Variants in MYLK observed in about 807,000 individuals in gnomAD.
MYLK encodes myosin light chain kinase, also known as myosin light chain kinase, smooth muscle.
A neutral mutation model predicts 203.4 loss-of-function variants in MYLK; 106 were observed. That is an observed-to-expected ratio of 0.52 (90% CI 0.45 to 0.61). MYLK has a LOEUF of 0.61. MYLK is among the 20% of genes least tolerant of loss of function. The probability of loss-of-function intolerance (pLI) is 0.00; values close to 1 mark genes in which losing one functional copy is unlikely to be tolerated. For missense variants in MYLK, 2,072 were observed against 2,442.3 expected (o/e 0.85, Z 3.20); for synonymous variants, 867 against 959.5 (o/e 0.90, Z 1.78).
At chr3:123,745,219 T>G (rs748073508) in intron 5 of MYLK, among the ~76,000 whole-genome samples, 2 of 152,112 alleles carry the variant, frequency 1.3e-5, no homozygotes, top group African/African-American at 4.8e-5. Context: ...TGGGAAAAGA[T>G]TCTTGCTGTG....
At chr3:123,881,643 C>T (rs185330997) in intron 1 of MYLK, among the ~76,000 whole-genome samples, 6 of 152,100 alleles carry the variant, frequency 3.9e-5, no homozygotes, top group African/African-American at 1.2e-4. Context: ...TTCTGAAACC[C>T]CCACCCCACC....
chr3:123,618,726 G>A lies in MYLK; in HGVS notation c.5413C>T (p.Pro1805Ser), dbSNP rs1236092985. ...AFLEAVAEEK[P>S]HVKPYFSKTI... ...TTAGAGAAATAGGGTTTTACATGAG[G>A]CTTTTCCTCAGCAACAGCCTCAAGG... Residue 1805 changes from proline to serine, a missense_variant, in exon 33 of 34, where the codon CCT becomes TCT. Physicochemically the swap from Pro to Ser is moderately conservative, Grantham distance 74. Coordinates refer to ENST00000360304, the MANE Select transcript of MYLK (RefSeq NM_053025.4). The A allele has an allele frequency of 6.2e-7, 1 of 1,614,110 alleles. No individual in the cohort carries two copies. Among genetic ancestry groups the A allele is most frequent in the Non-Finnish European group, 8.5e-7 (1 of 1,180,004 alleles).
At chr3:123,702,556 C>G (rs766072928) in intron 16 of MYLK, among the ~76,000 whole-genome samples, 2 of 152,206 alleles carry the variant, frequency 1.3e-5, no homozygotes, top group African/African-American at 2.4e-5. Flanking sequence ...GTGGCCGTCT[C>G]ACTAGCACTC....
chr3:123,798,859 T>C (rs1302023688), intron 3 of MYLK, among the ~76,000 whole-genome samples: 1 of 152,152 alleles, frequency 6.6e-6, no homozygotes, highest in Admixed American at 6.5e-5. Context: ...TAATGGTTAC[T>C]GACATATGTG....
At chr3:123,615,116 T>A (rs2057403394) in intron 33 of MYLK, among the ~76,000 whole-genome samples, 1 of 145,910 alleles carries the variant, frequency 6.9e-6, no homozygotes, top group Admixed American at 6.8e-5. Context: ...CACCCACCCA[T>A]CTTTAAACAG....
intron 20 of MYLK, among the ~76,000 whole-genome samples, chr3:123,678,503 G>C (rs1373634510): frequency 6.6e-6 from 1 of 151,966 alleles, no homozygotes; most frequent in East Asian, 1.9e-4. Flanking sequence ...CCTCATGCTT[G>C]TCAGTGCTCA....
chr3:123,645,534 G>A (rs1241015447), intron 27 of MYLK, among the ~76,000 whole-genome samples: 3 of 152,196 alleles, frequency 2.0e-5, no homozygotes, highest in African/African-American at 7.2e-5. Context: ...TTCAGGATGA[G>A]CATTTCAAGG....
intron 16 of MYLK, among the ~76,000 whole-genome samples, chr3:123,705,774 C>T (rs950763279): frequency 3.9e-5 from 6 of 152,112 alleles, no homozygotes; most frequent in African/African-American, 1.4e-4. Flanking sequence ...ACAGCTAAGC[C>T]TTATCACATT....
chr3:123,726,672 G>A (rs1004203892), intron 11 of MYLK, among the ~76,000 whole-genome samples: 3 of 152,168 alleles, frequency 2.0e-5, no homozygotes, highest in Admixed American at 6.5e-5. Flanking sequence ...GAGCTGCCGG[G>A]GACCTGGGAA....
At chr3:123,620,124 C>T in intron 32 of MYLK, 83 bp downstream of exon 32, 1 of 1,232,576 alleles carries the variant, frequency 8.1e-7, no homozygotes, top group Non-Finnish European at 1.2e-6. Flanking sequence ...AAAAAAAGAA[C>T]AAAACCAACC....
intron 2 of MYLK, among the ~76,000 whole-genome samples, chr3:123,834,922 A>ATGAG (rs2066437293): frequency 6.6e-6 from 1 of 152,188 alleles, no homozygotes; most frequent in South Asian, 2.1e-4. Flanking sequence ...ATATTGTCTT[A>ATGAG]TGAGGCATAA....
intron 2 of MYLK, among the ~76,000 whole-genome samples, chr3:123,853,130 A>G (rs978985252): frequency 1.4e-5 from 2 of 147,590 alleles, no homozygotes; most frequent in African/African-American, 2.4e-5. Flanking sequence ...TCTAGAGAGA[A>G]AAAAAAAAAT....
In MYLK at chr3:123,706,551, G is replaced by A. The variant is rs571514109; in HGVS notation, c.2390+1203C>T. ...TAGGTGCAAACAAATGCTCTTCTTC[G>A]ATGCTTACACCAACCCCAGGACCCA... On this transcript the variant is annotated intron_variant, in intron 16 of 33. Coordinates refer to ENST00000360304, the MANE Select transcript of MYLK (RefSeq NM_053025.4). Among the ~76,000 whole-genome samples the A allele has an allele frequency of 3.9e-5, 6 of 152,224 alleles. No individual in the cohort carries two copies. In the South Asian group the frequency reaches 1.0e-3, roughly 26 times the overall value.
chr3:123,837,441 A>C (rs1465702901), intron 2 of MYLK, among the ~76,000 whole-genome samples: 3 of 150,104 alleles, frequency 2.0e-5, no homozygotes, highest in Non-Finnish European at 3.0e-5. Context: ...TAGCCTTTGA[A>C]CATAAAAGAT....
rs75789408 is a variant in MYLK, at chr3:123,667,663, C to T, written c.3653-476G>A. On this transcript the variant is annotated intron_variant, in intron 20 of 33. Coordinates refer to ENST00000360304, the MANE Select transcript of MYLK (RefSeq NM_053025.4). ...ATGTCTTTTGAGAGATCACTTTGCCCTTTCACACAGACAACCTCACAGACA... is the reference window on the plus strand; with the variant it reads ...ATGTCTTTTGAGAGATCACTTTGCCTTTTCACACAGACAACCTCACAGACA... 2.9e-3 allele frequency among the ~76,000 whole-genome samples: 442 copies of T among 152,114 alleles called. 1 individual carries two copies. The highest frequency in any genetic ancestry group is 0.01 in the African/African-American group (425 of 41,524).
At chr3:123,826,069 C>A (rs2066109014) in intron 3 of MYLK, among the ~76,000 whole-genome samples, 1 of 152,146 alleles carries the variant, frequency 6.6e-6, no homozygotes, top group Non-Finnish European at 1.5e-5. Context: ...CCCCCACCCC[C>A]AAAAAAGGGC....
chr3:123,803,794 A>T (rs1268820838), intron 3 of MYLK, among the ~76,000 whole-genome samples: 1 of 152,232 alleles, frequency 6.6e-6, no homozygotes, highest in Non-Finnish European at 1.5e-5. Flanking sequence ...AGACAGCGGC[A>T]CAGGCTAGGA....
chr3:123,703,878 C>T (rs2061347584), intron 16 of MYLK, among the ~76,000 whole-genome samples: 1 of 152,238 alleles, frequency 6.6e-6, no homozygotes, highest in Admixed American at 6.5e-5. Context: ...GAACACAGCC[C>T]AGATGCAAAC....
Position 123,629,887 on chromosome 3 carries a change from C to T in MYLK, c.4962-261G>A, listed in dbSNP as rs2058337722. Reference sequence around the variant, plus strand: ...CAGCAGGTTGGCTTTAGATTACGGGCTTCTGCAGGGTACGCGGCAGGGCTG... The same window carrying T: ...CAGCAGGTTGGCTTTAGATTACGGGTTTCTGCAGGGTACGCGGCAGGGCTG... On this transcript the variant is annotated intron_variant, in intron 29 of 33. Transcript: ENST00000360304. The surrounding 1 kb of genome is among the most constrained non-coding windows in gnomAD (Gnocchi z 4.4). The T allele has an allele frequency of 1.7e-5, 9 of 519,496 alleles. No individual in the cohort carries two copies. Among genetic ancestry groups the T allele is most frequent in the South Asian group, 1.7e-4 (8 of 48,384 alleles). The allele number at this position is 519,496 out of a possible 1,614,324, so 32.2% of individuals were successfully genotyped here. A position where few individuals can be genotyped will look rare whatever the true frequency, so the allele number is the denominator to read the frequency against.
Sources: gnomAD v4.1 joint callset for allele counts (sites outside exome capture counted in the v4.1 genomes callset) on GRCh38, gnomAD v4.1.1 for gene constraint, Gnocchi (gnomAD v3.1) non-coding constraint, MANE v1.5 for transcripts, NCBI Gene and HGNC (gene_info 2026-07-23, HGNC 2026-07-21) for gene names.